Variants in EVI5 observed in about 807,000 individuals in gnomAD.
EVI5 encodes the protein ecotropic viral integration site 5 protein homolog.
Under a neutral mutation model 112.0 loss-of-function variants are expected in EVI5, and 73 were observed. That is an observed-to-expected ratio of 0.65 (90% CI 0.54 to 0.79). The LOEUF is 0.79. Ranked by LOEUF, EVI5 falls within the 30% of genes least tolerant of loss-of-function variation. EVI5 has a pLI of 0.00. For missense variants in EVI5, 900 were observed against 968.8 expected (o/e 0.93, Z 0.94); for synonymous variants, 305 against 319.9 (o/e 0.95, Z 0.50).
intron 19 of EVI5, among the ~76,000 whole-genome samples, chr1:92,549,079 G>A (rs1265356769): frequency 2.7e-4 from 41 of 151,872 alleles, no homozygotes; most frequent in Middle Eastern, 6.8e-3. Context: ...GAGGCATCAC[G>A]CTACCTGACT....
intron 9 of EVI5, among the ~76,000 whole-genome samples, chr1:92,690,278 A>G (rs1669267680): frequency 6.6e-6 from 1 of 152,166 alleles, no homozygotes; most frequent in Non-Finnish European, 1.5e-5. Context: ...TGTAAGAAGA[A>G]TAACATTTTT....
intron 18 of EVI5, among the ~76,000 whole-genome samples, chr1:92,601,642 G>A (rs940532568): frequency 4.6e-5 from 7 of 151,980 alleles, no homozygotes; most frequent in Admixed American, 6.6e-5. Flanking sequence ...CTCACATGTG[G>A]GATACAAAAA....
chr1:92,517,885 CTTTTTTTTT>C (rs35504849), intron 19 of EVI5, among the ~76,000 whole-genome samples: 1 of 102,250 alleles, frequency 9.8e-6, no homozygotes, highest in East Asian at 2.4e-4. Flanking sequence ...ATATTATATG[CTTTTTTTTT>C]TTTTTTTTTT....
chr1:92,652,733 G>C (rs879545184), intron 13 of EVI5, among the ~76,000 whole-genome samples: 1 of 152,296 alleles, frequency 6.6e-6, no homozygotes, highest in Non-Finnish European at 1.5e-5. Flanking sequence ...TGAATGACTA[G>C]AGGTGTCCAA....
intron 14 of EVI5, among the ~76,000 whole-genome samples, chr1:92,634,944 C>T (rs1453818926): frequency 6.6e-6 from 1 of 152,236 alleles, no homozygotes; most frequent in Non-Finnish European, 1.5e-5. Flanking sequence ...TGGAGGTCCA[C>T]TCCAGACCCT....
chr1:92,592,358 T>G (rs1327992557), intron 18 of EVI5, among the ~76,000 whole-genome samples: 2 of 152,236 alleles, frequency 1.3e-5, no homozygotes, highest in Admixed American at 6.5e-5. Context: ...AATAAAGATG[T>G]TCTTTGAAAC....
intron 13 of EVI5, among the ~76,000 whole-genome samples, chr1:92,642,999 G>T (rs1660268583): frequency 6.6e-6 from 1 of 152,172 alleles, no homozygotes. Flanking sequence ...GTCATAGGTA[G>T]GTCACAAAGC....
chr1:92,645,747 G>A (rs1660818087), intron 13 of EVI5, among the ~76,000 whole-genome samples: 1 of 151,884 alleles, frequency 6.6e-6, no homozygotes, highest in South Asian at 2.1e-4. Context: ...CCTTGTCCAA[G>A]CTGCTCTCCC....
At chr1:92,616,806 G>A (rs1195434285) in intron 16 of EVI5, among the ~76,000 whole-genome samples, 9 of 152,110 alleles carry the variant, frequency 5.9e-5, no homozygotes, top group Non-Finnish European at 1.2e-4. Flanking sequence ...GGGTCATCAA[G>A]TCACCACGCG....
intron 13 of EVI5, among the ~76,000 whole-genome samples, chr1:92,661,264 A>G (rs1483092649): frequency 6.6e-6 from 1 of 152,140 alleles, no homozygotes; most frequent in African/African-American, 2.4e-5. Context: ...TTGGAAGGCT[A>G]TAATTAAAAC....
intron 1 of EVI5, among the ~76,000 whole-genome samples, chr1:92,782,767 A>G (rs1420181224): frequency 6.6e-6 from 1 of 152,114 alleles, no homozygotes; most frequent in Non-Finnish European, 1.5e-5. Context: ...GTAATGTCCT[A>G]TTTCTTGATC....
At chr1:92,575,773 G>A (rs966735424) in intron 18 of EVI5, among the ~76,000 whole-genome samples, 6 of 151,636 alleles carry the variant, frequency 4.0e-5, no homozygotes. Flanking sequence ...CATGTTGGCC[G>A]GGCTGGTCTC....
In EVI5 at chr1:92,592,034, G is replaced by A. The variant is rs1370095238; in HGVS notation, c.2070+13273C>T. ...CAAGGCGGGCGGTTCACAAGGTCAG[G>A]AGATTGAGACCATCCTGGCTAACAT... On this transcript the variant is annotated intron_variant, in intron 18 of 19. Coordinates refer to ENST00000684568, the MANE Select transcript of EVI5 (RefSeq NM_001350197.2). Among the ~76,000 whole-genome samples the A allele has an allele frequency of 4.6e-5, 7 of 152,164 alleles. No individual in the cohort carries two copies. The East Asian group carries it at 1.4e-3, about 29-fold the overall frequency.
chr1:92,633,111 G>T (rs1657578774), intron 14 of EVI5, among the ~76,000 whole-genome samples: 1 of 152,176 alleles, frequency 6.6e-6, no homozygotes, highest in Non-Finnish European at 1.5e-5. Context: ...GTCAATTTTG[G>T]AGTAGGTGTT....
chr1:92,769,544 T>C (rs908613474), intron 1 of EVI5, among the ~76,000 whole-genome samples: 6 of 152,124 alleles, frequency 3.9e-5, no homozygotes, highest in East Asian at 1.9e-4. Flanking sequence ...CCTGTGACTA[T>C]GTTATCTTAT....
intron 19 of EVI5, among the ~76,000 whole-genome samples, chr1:92,521,335 A>G (rs1309317992): frequency 6.6e-6 from 1 of 152,176 alleles, no homozygotes; most frequent in Non-Finnish European, 1.5e-5. Flanking sequence ...ATAAATGTAA[A>G]CATTAAAAAA....
At chr1:92,678,773 A>AT (rs1667140226) in intron 9 of EVI5, among the ~76,000 whole-genome samples, 1 of 152,184 alleles carries the variant, frequency 6.6e-6, no homozygotes, top group Non-Finnish European at 1.5e-5. Context: ...CAGGCTCCAA[A>AT]TAACTTACAG....
Position 92,513,736 on chromosome 1 carries a change from G to C in EVI5, c.2401C>G (p.Leu801Val). The change falls in exon 20 of 20, where the codon CTG becomes GTG. Residue 801 changes from leucine to valine, a missense_variant. Transcript: ENST00000684568. ...GSESETEDSV[L>V]ETRESNQVVQ... ...ACTTGGTTGCTCTCTCTGGTCTCCA[G>C]CACACTGTCTTCTGTTTCGCTCTCA... is the stretch of plus-strand genomic sequence containing the variant. The C allele has an allele frequency of 6.2e-7, 1 of 1,613,624 alleles. No homozygotes were observed. The highest frequency in any genetic ancestry group is 1.6e-4 in the Middle Eastern group (1 of 6,062).
At chr1:92,574,636 T>C (rs1670782136) in intron 18 of EVI5, among the ~76,000 whole-genome samples, 1 of 152,164 alleles carries the variant, frequency 6.6e-6, no homozygotes. Context: ...ATCTCAAGCA[T>C]GTTTAAATCC....
Sources: allele counts gnomAD v4.1 joint callset (sites outside exome capture counted in the v4.1 genomes callset), GRCh38; gene constraint gnomAD v4.1.1; transcripts MANE v1.5; gene names NCBI Gene and HGNC (gene_info 2026-07-23, HGNC 2026-07-21).